Variants in SMC6 observed in about 807,000 individuals in gnomAD.
SMC6 encodes the protein structural maintenance of chromosomes 6.
SMC6 carries 79 observed loss-of-function variants against 142.2 expected under a neutral mutation model. That is an observed-to-expected ratio of 0.56 (90% confidence interval 0.46 to 0.67). The LOEUF is 0.67. Among genes scored for constraint, SMC6 ranks in the 30% least tolerant of loss-of-function variants. The pLI is 0.00. For missense variants in SMC6, 1,072 were observed against 1,284.0 expected (o/e 0.83, Z 2.52); for synonymous variants, 411 against 412.4 (o/e 1.00, Z 0.04).
At chr2:17,700,491 G>C in intron 20 of SMC6, 113 bp from the exon 21 acceptor site, 1 of 735,538 alleles carries the variant, frequency 1.4e-6, no homozygotes, top group Non-Finnish European at 2.0e-6. Context: ...ATGCAAATCA[G>C]ATCAAATACA....
At chr2:17,732,698 CA>C (rs58290910) in intron 5 of SMC6, among the ~76,000 whole-genome samples, 73,540 of 137,030 alleles carry the variant, frequency 0.54, 20,543 homozygotes, top group African/African-American at 0.78. Context: ...GACTCGGTCT[CA>C]AAAAAAAAAA....
At chr2:17,742,285 C>T (rs553074816) in intron 3 of SMC6, among the ~76,000 whole-genome samples, 1 of 152,318 alleles carries the variant, frequency 6.6e-6, no homozygotes, top group South Asian at 2.1e-4. Flanking sequence ...CTGACATTCA[C>T]TATTTCAATT....
intron 23 of SMC6, among the ~76,000 whole-genome samples, chr2:17,687,182 A>C (rs1667493821): frequency 6.6e-6 from 1 of 152,234 alleles, no homozygotes; most frequent in East Asian, 1.9e-4. Context: ...GCTTCAAACT[A>C]GTAAAGTCAC....
chr2:17,692,499 C>G (rs1667779782), intron 23 of SMC6, among the ~76,000 whole-genome samples: 1 of 152,120 alleles, frequency 6.6e-6, no homozygotes, highest in African/African-American at 2.4e-5. Flanking sequence ...AACTGGCTAG[C>G]CATATGTAGA....
chr2:17,664,994 G>A lies in SMC6; in HGVS notation c.*505C>T, dbSNP rs1025069261. 3 of 152,428 alleles carry A rather than the reference G, an allele frequency of 2.0e-5. No individual in the cohort carries two copies. The highest frequency in any genetic ancestry group is 4.4e-5 in the Non-Finnish European group (3 of 68,176). 9.4% of individuals were successfully genotyped at this position (152,428 alleles called of 1,614,324 possible). A position where few individuals can be genotyped will look rare whatever the true frequency, so the allele number is the denominator to read the frequency against. On this transcript the variant is annotated 3_prime_UTR_variant, in exon 28 of 28. Transcript: ENST00000448223. ...TGCAAAAAAGGCATGTGTAGAAGTT[G>A]GCAAAGCTTCAGTGTTCCGTACAAG...
At position 17,665,285 on chromosome 2, in the gene SMC6, T is replaced by G. The variant is rs1457426473; in HGVS notation, c.*214A>C. ...TTAAAAAGATTTAAAACCAATACTA[T>G]GAAATTGATTTTCTTAAAGTAATAG... On this transcript the variant is annotated 3_prime_UTR_variant, in exon 28 of 28. Coordinates refer to ENST00000448223, the MANE Select transcript of SMC6 (RefSeq NM_001142286.2). 2.9e-5 allele frequency: 10 copies of G among 350,704 alleles called. No homozygotes were observed. Among genetic ancestry groups the G allele is most frequent in the Non-Finnish European group, 5.1e-5 (10 of 196,860 alleles). The allele number at this position is 350,704 out of a possible 1,614,324, so 21.7% of individuals were successfully genotyped here.
intron 11 of SMC6, among the ~76,000 whole-genome samples, chr2:17,718,620 CT>C (rs1669224421): frequency 6.6e-6 from 1 of 152,094 alleles, no homozygotes; most frequent in Admixed American, 6.6e-5. Flanking sequence ...TCAGGAATGC[CT>C]TCAAAGAGCA....
chr2:17,683,676 G>A lies in SMC6; in HGVS notation c.2766C>T (p.Ile922=). Residue 922 remains isoleucine, a synonymous_variant, in exon 24 of 28, where the codon ATC becomes ATT. Transcript: ENST00000448223. The stretch of plus-strand genomic sequence containing the variant: ...GATATGTCTTGAATCTGTGCTCCAT[G>A]ATTTCTCCCAGTAATTTAATAAACT... The part of the protein sequence containing the change: ...LKKFIKLLGE[I]MEHRFKTYQQ... The A allele has an allele frequency of 6.2e-7, 1 of 1,612,108 alleles. No homozygotes were observed. Among genetic ancestry groups the A allele is most frequent in the South Asian group, 1.1e-5 (1 of 90,990 alleles).
At chr2:17,668,014 A>G (rs1666581503) in intron 26 of SMC6, among the ~76,000 whole-genome samples, 1 of 152,204 alleles carries the variant, frequency 6.6e-6, no homozygotes, top group Non-Finnish European at 1.5e-5. Flanking sequence ...TGAGAGGCCT[A>G]TTATTTTATA....
intron 4 of SMC6, among the ~76,000 whole-genome samples, chr2:17,738,656 A>T (rs1225030409): frequency 6.6e-6 from 1 of 152,174 alleles, no homozygotes; most frequent in African/African-American, 2.4e-5. Flanking sequence ...TAAATGAATC[A>T]TCCCTCTATT....
chr2:17,745,938 T>A lies in SMC6; in HGVS notation c.9A>T (p.Lys3Asn). Residue 3 changes from lysine to asparagine, a missense_variant, in exon 3 of 28, where the codon AAA becomes AAT. Lys to Asn is a moderately conservative substitution (Grantham distance 94). Coordinates refer to ENST00000448223, the MANE Select transcript of SMC6 (RefSeq NM_001142286.2). The part of the protein sequence containing the change: MA[K>N]RKEENFSSPK... ...GAGAGGAAAAATTTTCTTCCTTTCT[T>A]TTGGCCATCAGGTCTGAACAAATAT... 1 of 1,607,066 alleles carries A rather than the reference T, an allele frequency of 6.2e-7. No individual in the cohort carries two copies.
At chr2:17,696,601 T>G (rs1301346171) in intron 21 of SMC6, among the ~76,000 whole-genome samples, 175 bp from the exon 22 acceptor site, 4 of 152,078 alleles carry the variant, frequency 2.6e-5, no homozygotes. Flanking sequence ...GGAAGTCACA[T>G]TAAATTCAAA....
intron 17 of SMC6, among the ~76,000 whole-genome samples, chr2:17,708,176 T>A (rs996690576): frequency 2.0e-5 from 3 of 151,994 alleles, no homozygotes; most frequent in South Asian, 4.1e-4. Flanking sequence ...AATATGGTGA[T>A]CTAATCTAAC....
intron 24 of SMC6, among the ~76,000 whole-genome samples, chr2:17,682,827 A>T (rs1209039301): frequency 2.0e-5 from 3 of 152,160 alleles, no homozygotes; most frequent in Non-Finnish European, 4.4e-5. Flanking sequence ...TAAAACTGAA[A>T]CAGGAATTTC....
chr2:17,665,372 G>A lies in SMC6; in HGVS notation c.*127C>T. 1 of 436,590 alleles carries A rather than the reference G, an allele frequency of 2.3e-6. No homozygotes were observed. Among genetic ancestry groups the A allele is most frequent in the Non-Finnish European group, 4.0e-6 (1 of 251,238 alleles). 27.0% of individuals were successfully genotyped at this position (436,590 alleles called of 1,614,324 possible). A position where few individuals can be genotyped will look rare whatever the true frequency, so the allele number is the denominator to read the frequency against. The stretch of plus-strand genomic sequence containing the variant: ...CTTATTTATATGTTTGATTGTGGTT[G>A]GATATATAAAGGAGTTTCTTTCATT... On this transcript the variant is annotated 3_prime_UTR_variant, in exon 28 of 28. Transcript: ENST00000448223.
chr2:17,741,026 C>T (rs1207724954), intron 4 of SMC6, among the ~76,000 whole-genome samples: 1 of 152,176 alleles, frequency 6.6e-6, no homozygotes, highest in Non-Finnish European at 1.5e-5. Context: ...TGCCTCTCTC[C>T]ACTGTCCACC....
intron 2 of SMC6, 65 bp downstream of exon 2, chr2:17,752,913 C>T (rs892109907): frequency 1.8e-6 from 1 of 563,394 alleles, no homozygotes; most frequent in Non-Finnish European, 2.3e-6. Flanking sequence ...AATAAGCGCT[C>T]ACAAAACTTC....
chr2:17,680,350 C>T (rs1558329334), intron 24 of SMC6: 1 of 152,120 alleles, frequency 6.6e-6, no homozygotes, highest in Non-Finnish European at 1.5e-5. Flanking sequence ...TTTGGTTTCC[C>T]ACTGCATACA....
rs138496575 is a variant in SMC6 at position 17,670,372 on chromosome 2, T to C, written c.3063+51A>G. The C allele has an allele frequency of 5.3e-4, 827 of 1,551,114 alleles. 3 individuals are homozygous for C. The African/African-American group carries it at 0.011, about 20-fold the overall frequency. On this transcript the variant is annotated intron_variant, in intron 26 of 27. Transcript: ENST00000448223. ...AAGATTTCCTTCCTTTAGAAATACATGTTTCAAACAAACAAAAAAATGAAA... is the reference window on the plus strand; with the variant it reads ...AAGATTTCCTTCCTTTAGAAATACACGTTTCAAACAAACAAAAAAATGAAA...
Sources: gnomAD v4.1 joint callset for allele counts (sites outside exome capture counted in the v4.1 genomes callset) on GRCh38, gnomAD v4.1.1 for gene constraint, MANE v1.5 for transcripts, NCBI Gene and HGNC (gene_info 2026-07-23, HGNC 2026-07-21) for gene names.